The following ZNF407 variants were observed in gnomAD, a reference collection of about 807,000 sequenced individuals.
The protein encoded by ZNF407 is zinc finger protein 407.
Under a neutral mutation model 131.2 loss-of-function variants are expected in ZNF407, and 17 were observed. The observed-to-expected ratio is 0.13, with a 90% CI of 0.09 to 0.19. ZNF407 has a LOEUF of 0.19. ZNF407 is among the 10% of genes least tolerant of loss of function. ZNF407 has a pLI of 1.00. For missense variants in ZNF407, 2,681 were observed against 2,830.6 expected (o/e 0.95, Z 1.20); for synonymous variants, 1,156 against 1,062.0 (o/e 1.09, Z -1.72).
intron 8 of ZNF407, among the ~76,000 whole-genome samples, chr18:75,000,683 CT>C (rs5826362): frequency 0.06 from 9,186 of 152,136 alleles, 910 homozygotes; most frequent in African/African-American, 0.21. Flanking sequence ...CATCATTACT[CT>C]TTTTTTCTGC....
intron 3 of ZNF407, among the ~76,000 whole-genome samples, chr18:74,685,495 G>A (rs1967076662): frequency 6.6e-6 from 1 of 152,108 alleles, no homozygotes; most frequent in Non-Finnish European, 1.5e-5. Context: ...TCAGGCATGT[G>A]CAGGCCATGT....
chr18:74,970,781 G>T (rs193209609), intron 8 of ZNF407, among the ~76,000 whole-genome samples: 87 of 152,326 alleles, frequency 5.7e-4, no homozygotes, highest in Admixed American at 2.0e-3. Context: ...GAGGATGGTG[G>T]TCCTCTTCTC....
intron 2 of ZNF407, among the ~76,000 whole-genome samples, chr18:74,636,908 A>G (rs1402641892): frequency 6.6e-6 from 1 of 152,228 alleles, no homozygotes; most frequent in Admixed American, 6.5e-5. Context: ...CTGAAACGAT[A>G]CAGTTTTAGG....
intron 1 of ZNF407, among the ~76,000 whole-genome samples, chr18:74,620,761 C>T (rs1284238412): frequency 1.3e-5 from 2 of 152,120 alleles, no homozygotes; most frequent in South Asian, 2.1e-4. Context: ...ACCAGAGGCC[C>T]CTAAGCTTGA....
chr18:74,856,383 CTG>C (rs1220390212), intron 4 of ZNF407, among the ~76,000 whole-genome samples: 1 of 152,128 alleles, frequency 6.6e-6, no homozygotes, highest in Non-Finnish European at 1.5e-5. Context: ...CTATAAATTC[CTG>C]TGAAACATTT....
intron 8 of ZNF407, among the ~76,000 whole-genome samples, chr18:74,951,671 C>T (rs1972215944): frequency 6.6e-6 from 1 of 152,116 alleles, no homozygotes; most frequent in African/African-American, 2.4e-5. Flanking sequence ...TTCATATTTG[C>T]AGATTTATTC....
At chr18:74,688,903 ACTGCAACCTCTGCCTT>A (rs755028894) in intron 3 of ZNF407, among the ~76,000 whole-genome samples, 33 of 152,096 alleles carry the variant, frequency 2.2e-4, no homozygotes, top group Non-Finnish European at 3.2e-4. Flanking sequence ...ATCTTGGCTC[ACTGCAACCTCTGCCTT>A]CTGGGTTCAA....
intron 8 of ZNF407, among the ~76,000 whole-genome samples, chr18:74,946,335 C>T (rs2145273979): frequency 6.6e-6 from 1 of 152,268 alleles, no homozygotes; most frequent in South Asian, 2.1e-4. Context: ...TTCTAATAAC[C>T]ATGGCATTTG....
chr18:75,054,545 G>T (rs1973539833), intron 8 of ZNF407, among the ~76,000 whole-genome samples: 1 of 152,200 alleles, frequency 6.6e-6, no homozygotes, highest in Non-Finnish European at 1.5e-5. Flanking sequence ...AGCCTTGTTA[G>T]ATGCATGCCC....
At chr18:74,804,467 C>T in intron 4 of ZNF407, 1 of 989,658 alleles carries the variant, frequency 1.0e-6, no homozygotes, top group Non-Finnish European at 1.2e-6. Context: ...TTAATCAGCA[C>T]ATGGATCTTG....
At chr18:74,858,377 G>C (rs1970889638) in intron 4 of ZNF407, among the ~76,000 whole-genome samples, 1 of 152,052 alleles carries the variant, frequency 6.6e-6, no homozygotes, top group African/African-American at 2.4e-5. Context: ...GTCATCTTCA[G>C]ATTCAGCTGA....
chr18:75,036,184 C>T (rs1973306180), intron 8 of ZNF407, among the ~76,000 whole-genome samples: 1 of 152,162 alleles, frequency 6.6e-6, no homozygotes, highest in South Asian at 2.1e-4. Context: ...GTTCTGAAAA[C>T]CCATTCTAAG....
At chr18:74,744,949 T>C (rs1968633018) in intron 3 of ZNF407, among the ~76,000 whole-genome samples, 1 of 152,156 alleles carries the variant, frequency 6.6e-6, no homozygotes, top group South Asian at 2.1e-4. Context: ...TATATAGCTT[T>C]ACCATGTCCA....
chr18:74,838,777 T>C (rs1016732708), intron 4 of ZNF407, among the ~76,000 whole-genome samples: 1 of 152,226 alleles, frequency 6.6e-6, no homozygotes, highest in African/African-American at 2.4e-5. Flanking sequence ...TGTTGGGCTA[T>C]TTGAGTTAAA....
At chr18:74,871,070 TGA>T (rs936676324) in intron 4 of ZNF407, among the ~76,000 whole-genome samples, 5 of 152,200 alleles carry the variant, frequency 3.3e-5, no homozygotes, top group Non-Finnish European at 7.3e-5. Flanking sequence ...CAGGATTTTG[TGA>T]GTGTCTTCAT....
chr18:74,810,070 A>G (rs960585083), intron 4 of ZNF407, among the ~76,000 whole-genome samples: 1 of 152,222 alleles, frequency 6.6e-6, no homozygotes, highest in Non-Finnish European at 1.5e-5. Context: ...CAGACATTCA[A>G]GTGGCGATGC....
intron 8 of ZNF407, among the ~76,000 whole-genome samples, chr18:75,035,381 A>G (rs530359464): frequency 2.6e-5 from 4 of 152,230 alleles, no homozygotes; most frequent in East Asian, 1.9e-4. Context: ...CCATCATTCC[A>G]TCATTTTATT....
chr18:74,766,009 CTGTGTGTGTG>C lies in ZNF407; in HGVS notation c.4803-15381_4803-15372del, dbSNP rs58103313. On this transcript the variant is annotated intron_variant, in intron 3 of 8. Coordinates refer to ENST00000299687, the MANE Select transcript of ZNF407 (RefSeq NM_017757.3). ...GCCACTGTGATATACGCATATTACT[CTGTGTGTGTG>C]TGTGTGTGTGTGTGTGTGTGTGTGT... Among the ~76,000 whole-genome samples, 166 of 148,188 alleles carry C rather than the reference CTGTGTGTGTG, an allele frequency of 1.1e-3. 1 individual carries two copies. The highest frequency in any genetic ancestry group is 3.8e-3 in the African/African-American group (153 of 40,102).
At chr18:74,608,508 G>T (rs184979050) in intron 1 of ZNF407, among the ~76,000 whole-genome samples, 10 of 151,956 alleles carry the variant, frequency 6.6e-5, no homozygotes, top group Non-Finnish European at 2.9e-5. Flanking sequence ...CACCACATCC[G>T]GCTAATTTTT....
Sources: allele counts gnomAD v4.1 joint callset (sites outside exome capture counted in the v4.1 genomes callset), GRCh38; gene constraint gnomAD v4.1.1; transcripts MANE v1.5; gene names NCBI Gene and HGNC (gene_info 2026-07-23, HGNC 2026-07-21).